The following EXOC4 variants were observed in gnomAD, a reference collection of about 807,000 sequenced individuals.
EXOC4 encodes exocyst complex component 4.
Under a neutral mutation model 107.2 loss-of-function variants are expected in EXOC4, and 71 were observed. That is an observed-to-expected ratio of 0.66 (90% CI 0.55 to 0.81). The LOEUF is 0.81. Ranked by LOEUF, EXOC4 falls within the 30% of genes least tolerant of loss-of-function variation. The probability of loss-of-function intolerance (pLI) is 0.00; values close to 1 mark genes in which losing one functional copy is unlikely to be tolerated. For synonymous variants in EXOC4, 456 were observed against 441.2 expected, an observed-to-expected ratio of 1.03 and a Z score of -0.42; for missense variants, 1,108 against 1,189.6, an observed-to-expected ratio of 0.93 and a Z score of 1.01.
chr7:133,486,811 G>T (rs562950390), intron 9 of EXOC4, among the ~76,000 whole-genome samples: 24 of 151,574 alleles, frequency 1.6e-4, no homozygotes, highest in Non-Finnish European at 2.8e-4. Context: ...TGTAAGATTT[G>T]TCTTATAATA....
chr7:133,567,050 A>C (rs1338054107), intron 9 of EXOC4, among the ~76,000 whole-genome samples: 2 of 152,138 alleles, frequency 1.3e-5, no homozygotes, highest in Non-Finnish European at 2.9e-5. Context: ...TGGCTTAAGA[A>C]AACCAGCTTT....
intron 9 of EXOC4, among the ~76,000 whole-genome samples, chr7:133,586,647 T>C (rs1801411812): frequency 6.6e-6 from 1 of 152,082 alleles, no homozygotes; most frequent in Non-Finnish European, 1.5e-5. Flanking sequence ...AATAATGGGA[T>C]TGCTGGGTTG....
chr7:133,939,589 T>C (rs1227114516), intron 14 of EXOC4, among the ~76,000 whole-genome samples: 1 of 152,250 alleles, frequency 6.6e-6, no homozygotes, highest in African/African-American at 2.4e-5. Flanking sequence ...CTTGAACTTC[T>C]GGCTTTAGGT....
chr7:133,700,048 A>C (rs1490747446), intron 10 of EXOC4, among the ~76,000 whole-genome samples: 1 of 152,224 alleles, frequency 6.6e-6, no homozygotes, highest in Non-Finnish European at 1.5e-5. Flanking sequence ...TTTCAAAAAA[A>C]CCTGCATTTG....
At chr7:133,397,265 G>A (rs1191585521) in intron 7 of EXOC4, among the ~76,000 whole-genome samples, 1 of 149,940 alleles carries the variant, frequency 6.7e-6, no homozygotes, top group African/African-American at 2.5e-5. Flanking sequence ...GAAGCAGCTG[G>A]ATTACAGGCC....
At chr7:133,963,791 C>T (rs766374176) in intron 14 of EXOC4, among the ~76,000 whole-genome samples, 1 of 152,192 alleles carries the variant, frequency 6.6e-6, no homozygotes, top group Non-Finnish European at 1.5e-5. Flanking sequence ...AGGCATGGGG[C>T]ATTCATCACT....
intron 15 of EXOC4, among the ~76,000 whole-genome samples, chr7:133,998,367 G>A (rs1057163194): frequency 5.3e-5 from 8 of 152,134 alleles, no homozygotes; most frequent in Non-Finnish European, 1.2e-4. Context: ...GAGTGGCTGG[G>A]GCTGACTAGG....
At chr7:133,994,349 G>A (rs566235596) in intron 14 of EXOC4, among the ~76,000 whole-genome samples, 21 of 152,094 alleles carry the variant, frequency 1.4e-4, no homozygotes, top group South Asian at 6.2e-4. Context: ...CATGCCTATC[G>A]GGGGGAGGAG....
At chr7:133,674,273 C>T (rs576198281) in intron 10 of EXOC4, among the ~76,000 whole-genome samples, 29 of 152,132 alleles carry the variant, frequency 1.9e-4, no homozygotes, top group Non-Finnish European at 2.5e-4. Context: ...GTACAAAAGA[C>T]AAATACACAC....
chr7:133,399,005 G>T (rs1275839298), intron 7 of EXOC4, among the ~76,000 whole-genome samples: 1 of 152,112 alleles, frequency 6.6e-6, no homozygotes, highest in Non-Finnish European at 1.5e-5. Context: ...TTTCCAAAGT[G>T]CTTTGTTCAT....
chr7:134,015,571 G>A (rs1794885556), intron 17 of EXOC4, among the ~76,000 whole-genome samples: 1 of 152,112 alleles, frequency 6.6e-6, no homozygotes, highest in African/African-American at 2.4e-5. Context: ...CAACTGGAAG[G>A]TGATTGCTAA....
chr7:133,835,887 G>T (rs1410571336), intron 11 of EXOC4, among the ~76,000 whole-genome samples: 1 of 152,078 alleles, frequency 6.6e-6, no homozygotes, highest in Non-Finnish European at 1.5e-5. Context: ...AAGCTAACTG[G>T]CTCATGAAAC....
chr7:133,476,047 TTAAG>T (rs1375029632), intron 8 of EXOC4, among the ~76,000 whole-genome samples: 5 of 152,228 alleles, frequency 3.3e-5, no homozygotes, highest in East Asian at 3.9e-4. Context: ...GTACCACTGA[TTAAG>T]TGTTTCCTAG....
chr7:133,552,823 G>A (rs1800618043), intron 9 of EXOC4, among the ~76,000 whole-genome samples: 1 of 152,066 alleles, frequency 6.6e-6, no homozygotes, highest in African/African-American at 2.4e-5. Flanking sequence ...ACACTTAAAT[G>A]TTTGCCATTA....
At chr7:133,457,190 C>T (rs889419809) in intron 7 of EXOC4, among the ~76,000 whole-genome samples, 5 of 152,098 alleles carry the variant, frequency 3.3e-5, no homozygotes, top group Admixed American at 2.6e-4. Context: ...AATAAAGGCA[C>T]AGATGTTGGA....
intron 10 of EXOC4, among the ~76,000 whole-genome samples, chr7:133,670,902 T>G (rs778012416): frequency 1.1e-4 from 17 of 152,152 alleles, no homozygotes; most frequent in Non-Finnish European, 2.4e-4. Context: ...GTCAAATGCC[T>G]CAGGTGTGTT....
At chr7:133,401,782 A>G (rs914353724) in intron 7 of EXOC4, among the ~76,000 whole-genome samples, 83 of 151,922 alleles carry the variant, frequency 5.5e-4, no homozygotes, top group African/African-American at 1.9e-3. Context: ...TTTTGTCTAA[A>G]TCTTGACATA....
chr7:133,972,077 TA>T (rs1320823424), intron 14 of EXOC4, among the ~76,000 whole-genome samples: 13 of 152,224 alleles, frequency 8.5e-5, no homozygotes, highest in Non-Finnish European at 1.9e-4. Context: ...CCTTACGCTG[TA>T]GTCATCCCAC....
intron 7 of EXOC4, among the ~76,000 whole-genome samples, chr7:133,427,086 A>G (rs1797743398): frequency 6.6e-6 from 1 of 152,036 alleles, no homozygotes; most frequent in East Asian, 1.9e-4. Context: ...GAGGTATATC[A>G]AAGGTGATTC....
Sources: gnomAD v4.1 joint callset for allele counts (sites outside exome capture counted in the v4.1 genomes callset) on GRCh38, gnomAD v4.1.1 for gene constraint, MANE v1.5 for transcripts, NCBI Gene and HGNC (gene_info 2026-07-23, HGNC 2026-07-21) for gene names.